The following HDLBP variants were observed in gnomAD, a reference collection of about 807,000 sequenced individuals.
The protein encoded by HDLBP is vigilin.
A neutral mutation model predicts 137.3 loss-of-function variants in HDLBP; 30 were observed. That is an observed-to-expected ratio of 0.22 (90% confidence interval 0.16 to 0.30). The LOEUF (loss-of-function observed/expected upper bound fraction) is 0.30. Ranked by LOEUF, HDLBP falls within the 10% of genes least tolerant of loss-of-function variation. The probability of loss-of-function intolerance (pLI) is 1.00; values close to 1 mark genes in which losing one functional copy is unlikely to be tolerated. For synonymous variants in HDLBP, 606 were observed against 596.0 expected (o/e 1.02, Z -0.24); for missense variants, 1,119 against 1,667.3 (o/e 0.67, Z 5.73).
intron 16 of HDLBP, 40 bp downstream of exon 16, chr2:241,246,712 T>C: frequency 6.3e-7 from 1 of 1,598,428 alleles, no homozygotes; most frequent in Non-Finnish European, 8.5e-7. Context: ...CTGTTAGAGA[T>C]TTTACTGGAG....
At position 241,249,821 on chromosome 2, in the gene HDLBP, G is replaced by A. The variant is rs2071982865; in HGVS notation, c.1512+20C>T. The A allele has an allele frequency of 6.3e-7, 1 of 1,586,504 alleles. No individual in the cohort carries two copies. Among genetic ancestry groups the A allele is most frequent in the Non-Finnish European group, 8.6e-7 (1 of 1,168,880 alleles). ...ACGCAAGGCCAGTGCCTTTCTAGAG[G>A]GCCCAGCCATGGCACTTACCATGCG... On this transcript the variant is annotated intron_variant, in intron 12 of 27. Transcript: ENST00000310931.
At chr2:241,250,015 A>G (rs750872914) in intron 11 of HDLBP, 35 bp from the exon 12 acceptor site, 2 of 1,572,020 alleles carry the variant, frequency 1.3e-6, no homozygotes, top group Non-Finnish European at 1.7e-6. Context: ...TTTAGGACAC[A>G]GACCAACAAC....
At chr2:241,231,128 T>C (rs1163662144) in intron 24 of HDLBP, 184 bp from the exon 25 acceptor site, 17 of 575,988 alleles carry the variant, frequency 3.0e-5, no homozygotes, top group Non-Finnish European at 1.5e-5. Context: ...CTCACGCCTG[T>C]AATCCCAGCA....
intron 14 of HDLBP, among the ~76,000 whole-genome samples, chr2:241,247,673 T>G (rs1307126797): frequency 6.6e-6 from 1 of 152,236 alleles, no homozygotes; most frequent in African/African-American, 2.4e-5. Flanking sequence ...TGTCACCTGT[T>G]ATACCTCTTA....
At chr2:241,231,592 G>C (rs975776000) in intron 24 of HDLBP, among the ~76,000 whole-genome samples, 9 of 152,178 alleles carry the variant, frequency 5.9e-5, no homozygotes, top group African/African-American at 2.2e-4. Context: ...TCAGCTTCCT[G>C]CTTCTTTGCC....
intron 5 of HDLBP, among the ~76,000 whole-genome samples, chr2:241,260,034 G>C (rs1220721936): frequency 6.6e-6 from 1 of 152,060 alleles, no homozygotes; most frequent in Non-Finnish European, 1.5e-5. Context: ...ACAGAGTTTT[G>C]CTCCTGTTGC....
intron 5 of HDLBP, 73 bp downstream of exon 5, chr2:241,262,638 T>C: frequency 8.5e-7 from 1 of 1,179,172 alleles, no homozygotes; most frequent in South Asian, 1.2e-5. Context: ...AGTGACGTTC[T>C]AGCCTGCATC....
intron 5 of HDLBP, among the ~76,000 whole-genome samples, chr2:241,261,427 C>CTA (rs960808487): frequency 2.3e-4 from 35 of 152,072 alleles, no homozygotes; most frequent in African/African-American, 7.7e-4. Flanking sequence ...AGCACAATGA[C>CTA]TATATATATG....
At chr2:241,305,593 T>G (rs1014341803) in intron 1 of HDLBP, among the ~76,000 whole-genome samples, 3 of 152,184 alleles carry the variant, frequency 2.0e-5, no homozygotes, top group African/African-American at 7.2e-5. Context: ...TGTAAGCATC[T>G]CTGGCCACAA....
intron 1 of HDLBP, among the ~76,000 whole-genome samples, chr2:241,311,558 G>A (rs2075758906): frequency 6.6e-6 from 1 of 152,194 alleles, no homozygotes; most frequent in Non-Finnish European, 1.5e-5. Flanking sequence ...AAGATAAAAT[G>A]ATAGGAATAC....
intron 1 of HDLBP, among the ~76,000 whole-genome samples, chr2:241,298,490 TC>T (rs1640660051): frequency 6.6e-6 from 1 of 152,026 alleles, no homozygotes; most frequent in Non-Finnish European, 1.5e-5. Context: ...AGGGTAACAA[TC>T]AACCGAATTA....
chr2:241,298,872 T>A (rs2075286481), intron 1 of HDLBP, among the ~76,000 whole-genome samples: 1 of 152,182 alleles, frequency 6.6e-6, no homozygotes, highest in African/African-American at 2.4e-5. Context: ...ATTAAAAGTG[T>A]CAAGCTCAGG....
chr2:241,293,466 C>T (rs1292297100), intron 1 of HDLBP, among the ~76,000 whole-genome samples: 2 of 151,956 alleles, frequency 1.3e-5, no homozygotes, highest in African/African-American at 4.8e-5. Context: ...CTACTGCACT[C>T]CCAGCCTGGG....
chr2:241,266,994 A>C, intron 2 of HDLBP, 88 bp from the exon 3 acceptor site: 1 of 982,238 alleles, frequency 1.0e-6, no homozygotes, highest in Non-Finnish European at 1.6e-6. Flanking sequence ...GCAAAGTTTT[A>C]CTCTCTTTTT....
chr2:241,232,439 C>A (rs566169618), intron 24 of HDLBP, among the ~76,000 whole-genome samples: 1 of 152,292 alleles, frequency 6.6e-6, no homozygotes, highest in East Asian at 1.9e-4. Context: ...CCACGCCTGG[C>A]TAATTTTCAT....
intron 11 of HDLBP, among the ~76,000 whole-genome samples, chr2:241,251,652 T>C (rs2072189412): frequency 6.6e-6 from 1 of 152,200 alleles, no homozygotes; most frequent in Non-Finnish European, 1.5e-5. Flanking sequence ...TGTGTGAGTA[T>C]AGCCATACAG....
chr2:241,260,699 A>T (rs2073089214), intron 5 of HDLBP, among the ~76,000 whole-genome samples: 1 of 152,200 alleles, frequency 6.6e-6, no homozygotes, highest in Non-Finnish European at 1.5e-5. Context: ...GAGCCTAATG[A>T]TCAATCTCAA....
At chr2:241,312,625 T>A (rs780405341) in intron 1 of HDLBP, among the ~76,000 whole-genome samples, 4 of 152,244 alleles carry the variant, frequency 2.6e-5, no homozygotes, top group Non-Finnish European at 5.9e-5. Context: ...CCGCATGATA[T>A]GCTTCTTTCA....
chr2:241,275,566 T>C (rs1041669537), intron 1 of HDLBP, among the ~76,000 whole-genome samples: 1 of 152,202 alleles, frequency 6.6e-6, no homozygotes, highest in African/African-American at 2.4e-5. Context: ...TACAACATTC[T>C]TCCCTCATCC....
Sources: allele counts gnomAD v4.1 joint callset (sites outside exome capture counted in the v4.1 genomes callset), GRCh38; gene constraint gnomAD v4.1.1; transcripts MANE v1.5; gene names NCBI Gene and HGNC (gene_info 2026-07-23, HGNC 2026-07-21).